Variants in TMEM163 observed in about 807,000 individuals in gnomAD.
TMEM163 encodes the protein transmembrane protein 163.
A neutral mutation model predicts 29.3 loss-of-function variants in TMEM163; 17 were observed. That is an observed-to-expected ratio of 0.58 (90% confidence interval 0.40 to 0.87). The LOEUF is 0.87. Ranked by LOEUF, TMEM163 falls within the 40% of genes least tolerant of loss-of-function variation. The pLI is 0.00. For missense variants in TMEM163, 303 were observed against 381.5 expected (o/e 0.79, Z 1.71); for synonymous variants, 157 against 160.6 (o/e 0.98, Z 0.17).
At chr2:134,600,718 T>C (rs1682208417) in intron 2 of TMEM163, among the ~76,000 whole-genome samples, 1 of 152,182 alleles carries the variant, frequency 6.6e-6, no homozygotes, top group Admixed American at 6.5e-5. Flanking sequence ...CTCATCTAAG[T>C]TGCTCCTTCT....
chr2:134,615,567 G>C (rs1408782130), intron 2 of TMEM163, among the ~76,000 whole-genome samples: 1 of 150,856 alleles, frequency 6.6e-6, no homozygotes, highest in Non-Finnish European at 1.5e-5. Flanking sequence ...AATCAGTTCA[G>C]CTTATATAAT....
chr2:134,662,203 G>T (rs949726890), intron 2 of TMEM163, among the ~76,000 whole-genome samples: 16 of 152,056 alleles, frequency 1.1e-4, no homozygotes, highest in African/African-American at 3.6e-4. Context: ...CCAAAGTGCT[G>T]GGATTACAGG....
At chr2:134,717,784 CAAG>C (rs1221652791) in intron 1 of TMEM163, among the ~76,000 whole-genome samples, 2 of 152,192 alleles carry the variant, frequency 1.3e-5, no homozygotes, top group Non-Finnish European at 2.9e-5. Flanking sequence ...TCGGATTCAG[CAAG>C]AAGTAGAAAA....
intron 2 of TMEM163, among the ~76,000 whole-genome samples, chr2:134,615,110 T>C (rs780761682): frequency 2.6e-5 from 4 of 152,062 alleles, no homozygotes; most frequent in Non-Finnish European, 4.4e-5. Flanking sequence ...AAAAAGCTCA[T>C]GGAAGATTAT....
chr2:134,611,706 G>A (rs988214285), intron 2 of TMEM163, among the ~76,000 whole-genome samples: 2 of 152,154 alleles, frequency 1.3e-5, no homozygotes, highest in African/African-American at 2.4e-5. Context: ...ACATTTTCTT[G>A]TAATCCGGAG....
chr2:134,536,191 G>A (rs569617050), intron 4 of TMEM163, among the ~76,000 whole-genome samples: 1 of 152,032 alleles, frequency 6.6e-6, no homozygotes, highest in South Asian at 2.1e-4. Context: ...GGAAGCAAAG[G>A]GTACTACATT....
intron 5 of TMEM163, chr2:134,469,928 A>C (rs1686758582): frequency 1.3e-5 from 2 of 152,464 alleles, no homozygotes; most frequent in South Asian, 4.1e-4. Flanking sequence ...CTTCAGACCA[A>C]CACCACACTC....
chr2:134,589,636 T>C (rs984185476), intron 2 of TMEM163, among the ~76,000 whole-genome samples: 2 of 152,154 alleles, frequency 1.3e-5, no homozygotes, highest in African/African-American at 4.8e-5. Flanking sequence ...TCCCCTTGCC[T>C]GGAAAACTCA....
At chr2:134,711,282 A>G (rs1214944725) in intron 2 of TMEM163, among the ~76,000 whole-genome samples, 1 of 152,220 alleles carries the variant, frequency 6.6e-6, no homozygotes, top group African/African-American at 2.4e-5. Context: ...ATCACAGACC[A>G]TATCAAGGGT....
chr2:134,645,977 TA>T, intron 2 of TMEM163, among the ~76,000 whole-genome samples: 1 of 152,350 alleles, frequency 6.6e-6, no homozygotes, highest in Non-Finnish European at 1.5e-5. Context: ...AAAATTTTTT[TA>T]AAGATAAACT....
At chr2:134,589,146 CT>C (rs1393956536) in intron 2 of TMEM163, among the ~76,000 whole-genome samples, 1 of 152,112 alleles carries the variant, frequency 6.6e-6, no homozygotes, top group Admixed American at 6.5e-5. Flanking sequence ...GAGGTAAGCT[CT>C]GAGGTACAGG....
At chr2:134,676,398 G>A (rs1437975159) in intron 2 of TMEM163, among the ~76,000 whole-genome samples, 3 of 152,108 alleles carry the variant, frequency 2.0e-5, no homozygotes, top group South Asian at 2.1e-4. Flanking sequence ...CTCTTTAAGG[G>A]ACATGCCCTT....
At chr2:134,570,644 C>T (rs769993129) in intron 2 of TMEM163, among the ~76,000 whole-genome samples, 8 of 152,092 alleles carry the variant, frequency 5.3e-5, no homozygotes, top group South Asian at 2.1e-4. Context: ...TCCTATCCTG[C>T]GTCAGAGGAA....
intron 2 of TMEM163, among the ~76,000 whole-genome samples, chr2:134,706,659 C>T (rs1446161514): frequency 6.6e-6 from 1 of 152,250 alleles, no homozygotes; most frequent in Non-Finnish European, 1.5e-5. Context: ...AAACCAAAGG[C>T]ATCTGAGACT....
chr2:134,484,146 A>G (rs1325286170), intron 5 of TMEM163, among the ~76,000 whole-genome samples: 1 of 152,152 alleles, frequency 6.6e-6, no homozygotes, highest in Non-Finnish European at 1.5e-5. Context: ...CTCTCAAAAG[A>G]AAAATTTGTG....
intron 2 of TMEM163, among the ~76,000 whole-genome samples, chr2:134,661,413 CAGG>C (rs896004419): frequency 3.3e-5 from 5 of 152,204 alleles, no homozygotes; most frequent in African/African-American, 1.2e-4. Flanking sequence ...TATTTATTTG[CAGG>C]AGAACTTATA....
intron 2 of TMEM163, among the ~76,000 whole-genome samples, chr2:134,593,151 C>T (rs1378847798): frequency 2.0e-5 from 3 of 152,146 alleles, no homozygotes; most frequent in Non-Finnish European, 4.4e-5. Flanking sequence ...CTGATAAGAC[C>T]TAGCTTCAGA....
At chr2:134,660,600 G>A (rs1474697762) in intron 2 of TMEM163, among the ~76,000 whole-genome samples, 2 of 152,142 alleles carry the variant, frequency 1.3e-5, no homozygotes, top group South Asian at 4.1e-4. Context: ...CCTGTAGGAG[G>A]TACAGATTTG....
chr2:134,475,756 A>G (rs150680956), intron 5 of TMEM163, among the ~76,000 whole-genome samples: 3 of 152,322 alleles, frequency 2.0e-5, no homozygotes, highest in East Asian at 1.9e-4. Flanking sequence ...TCAACAGGGA[A>G]AAGTACATGG....
Sources: gnomAD v4.1 joint callset for allele counts (sites outside exome capture counted in the v4.1 genomes callset) on GRCh38, gnomAD v4.1.1 for gene constraint, MANE v1.5 for transcripts, NCBI Gene and HGNC (gene_info 2026-07-23, HGNC 2026-07-21) for gene names.